RORA: variants seen among roughly 807,000 people sequenced by gnomAD.
RORA encodes RAR related orphan receptor A.
In RORA, 7 loss-of-function variants were observed where a neutral mutation model predicts 69.5. The observed-to-expected ratio is 0.10, with a 90% CI of 0.06 to 0.19. The LOEUF is 0.19. Ranked by LOEUF, RORA falls within the 10% of genes least tolerant of loss-of-function variation. The pLI, the probability that RORA is intolerant of heterozygous loss-of-function variation, is 1.00. For synonymous variants in RORA, 261 were observed against 240.8 expected (o/e 1.08, Z -0.78); for missense variants, 457 against 663.0 (o/e 0.69, Z 3.41).
chr15:61,138,002 C>A (rs1453977288), intron 1 of RORA, among the ~76,000 whole-genome samples: 4 of 152,236 alleles, frequency 2.6e-5, no homozygotes, highest in Non-Finnish European at 5.9e-5. Flanking sequence ...TAACCTATAG[C>A]ATATGGTTAC....
chr15:61,146,459 TACACACAC>T (rs5813074), intron 1 of RORA, among the ~76,000 whole-genome samples: 3 of 149,628 alleles, frequency 2.0e-5, no homozygotes, highest in East Asian at 2.0e-4. Context: ...CACATACACA[TACACACAC>T]ACACACACAC....
intron 1 of RORA, among the ~76,000 whole-genome samples, chr15:60,936,201 C>A (rs1457556495): frequency 6.6e-6 from 1 of 152,178 alleles, no homozygotes; most frequent in Non-Finnish European, 1.5e-5. Flanking sequence ...CTGGGGGAAG[C>A]CCTTCTTAGT....
intron 2 of RORA, among the ~76,000 whole-genome samples, chr15:60,669,010 G>C (rs951624216): frequency 6.6e-6 from 1 of 152,096 alleles, no homozygotes; most frequent in Non-Finnish European, 1.5e-5. Context: ...TGGAATTTGG[G>C]GTTTAAATTT....
At chr15:60,692,299 T>A (rs1432216612) in intron 1 of RORA, among the ~76,000 whole-genome samples, 1 of 152,214 alleles carries the variant, frequency 6.6e-6, no homozygotes, top group Non-Finnish European at 1.5e-5. Flanking sequence ...TTTATTATTA[T>A]TATTACTTAA....
intron 8 of RORA, 130 bp from the exon 9 acceptor site, chr15:60,501,199 G>A (rs1401561200): frequency 1.6e-6 from 1 of 622,936 alleles, no homozygotes; most frequent in Non-Finnish European, 2.9e-6. Flanking sequence ...TGGGGAAGGT[G>A]AAGAGAGATC....
intron 1 of RORA, among the ~76,000 whole-genome samples, chr15:61,113,440 C>T (rs922107956): frequency 1.3e-5 from 2 of 152,138 alleles, no homozygotes; most frequent in Non-Finnish European, 2.9e-5. Flanking sequence ...GCTTCTTTAC[C>T]TCCACAAAGA....
intron 1 of RORA, among the ~76,000 whole-genome samples, chr15:60,799,575 G>A (rs1205206100): frequency 1.3e-5 from 2 of 151,704 alleles, no homozygotes; most frequent in African/African-American, 4.8e-5. Context: ...AAACTGCATT[G>A]GTCCAAAAAC....
At chr15:60,626,394 CGTT>C (rs922912318) in intron 2 of RORA, among the ~76,000 whole-genome samples, 2 of 151,924 alleles carry the variant, frequency 1.3e-5, no homozygotes, top group South Asian at 2.1e-4. Flanking sequence ...TTGTTGTTGT[CGTT>C]GTTGTTGTTG....
chr15:61,045,950 C>A (rs75269389), intron 1 of RORA, among the ~76,000 whole-genome samples: 4,709 of 152,308 alleles, frequency 0.031, 253 homozygotes, highest in African/African-American at 0.11. Flanking sequence ...TGTCTCCTGG[C>A]AGTCTCCCCC....
chr15:61,081,807 C>CAAA (rs59591650), intron 1 of RORA, among the ~76,000 whole-genome samples: 5 of 105,684 alleles, frequency 4.7e-5, no homozygotes, highest in African/African-American at 6.9e-5. Context: ...GACTCTGTCT[C>CAAA]AAAAAAAAAA....
intron 2 of RORA, among the ~76,000 whole-genome samples, chr15:60,638,231 G>C (rs73424087): frequency 0.015 from 2,325 of 152,206 alleles, 55 homozygotes; most frequent in African/African-American, 0.052. Flanking sequence ...TAAAAAATGA[G>C]AGAAGGCCTG....
Position 61,229,205 on chromosome 15 carries a change from G to C in RORA, c.14C>G (p.Pro5Arg). 6.5e-7 allele frequency: 1 copy of C among 1,538,484 alleles called. No individual in the cohort carries two copies. The highest frequency in any genetic ancestry group is 8.7e-7 in the Non-Finnish European group (1 of 1,146,060). The change falls in exon 1 of 11, where the codon CCG becomes CGG. Residue 5 changes from proline to arginine, a missense_variant. Pro to Arg is a moderately radical substitution (Grantham distance 103). This residue lies in a region of RORA where 119 missense variants were observed against 92.4 expected (regional missense o/e 1.29). Transcript: ENST00000335670. ...GCTGGCGGCGGGGTCGGGGGCTGCC[G>C]GAGCTGACTCCATGTTTTTTCCCAA... MESA[P>R]AAPDPAASEP...
At chr15:60,819,005 C>T (rs1309703189) in intron 1 of RORA, among the ~76,000 whole-genome samples, 5 of 152,214 alleles carry the variant, frequency 3.3e-5, no homozygotes, top group South Asian at 2.1e-4. Flanking sequence ...GCCTCCCTGA[C>T]GATAATGAAT....
At chr15:60,806,126 G>A (rs2072656640) in intron 1 of RORA, among the ~76,000 whole-genome samples, 1 of 152,072 alleles carries the variant, frequency 6.6e-6, no homozygotes, top group Non-Finnish European at 1.5e-5. Flanking sequence ...CTTCCTTTCA[G>A]TAGAAAAGTC....
intron 1 of RORA, among the ~76,000 whole-genome samples, chr15:61,224,757 G>A (rs2080130484): frequency 6.6e-6 from 1 of 152,170 alleles, no homozygotes; most frequent in Non-Finnish European, 1.5e-5. Context: ...TTTTTATCCG[G>A]AGGCACATCT....
chr15:60,998,820 G>A (rs958822252), intron 1 of RORA, among the ~76,000 whole-genome samples: 5 of 152,122 alleles, frequency 3.3e-5, no homozygotes, highest in South Asian at 2.1e-4. Context: ...GTAGAATCTC[G>A]AAACAACACC....
intron 1 of RORA, among the ~76,000 whole-genome samples, chr15:60,688,384 C>T (rs189428607): frequency 7.3e-4 from 111 of 152,086 alleles, no homozygotes; most frequent in Admixed American, 2.2e-3. Flanking sequence ...TTCTATAAAA[C>T]ACCTGTACAA....
chr15:60,826,740 G>GCTCTCT lies in RORA; in HGVS notation c.167-148060_167-148055dup, dbSNP rs72326847. On this transcript the variant is annotated intron_variant, in intron 1 of 10. Transcript: ENST00000335670. ...CTGGCCTGGGGACATTATTCTACCT[G>GCTCTCT]CTCTCTCTCTCTCTCTCTCTCTCTC... Among the ~76,000 whole-genome samples the GCTCTCT allele has an allele frequency of 5.0e-4, 60 of 120,848 alleles. 1 individual carries two copies. The highest frequency in any genetic ancestry group is 1.6e-3 in the African/African-American group (48 of 30,420). 79.3% of individuals were successfully genotyped at this position (120,848 alleles called of 152,430 possible). A position where few individuals can be genotyped will look rare whatever the true frequency, so the allele number is the denominator to read the frequency against.
chr15:61,165,986 G>A (rs1941233965), intron 1 of RORA, among the ~76,000 whole-genome samples: 1 of 152,344 alleles, frequency 6.6e-6, no homozygotes, highest in African/African-American at 2.4e-5. Flanking sequence ...GCAGAAGTCT[G>A]ACCTGAGCTC....
Sources: gnomAD v4.1 joint callset for allele counts (sites outside exome capture counted in the v4.1 genomes callset) on GRCh38, gnomAD v4.1.1 for gene constraint, gnomAD v4.1.1 regional missense constraint, MANE v1.5 for transcripts, NCBI Gene and HGNC (gene_info 2026-07-23, HGNC 2026-07-21) for gene names.